Variants in PALS2 observed in about 807,000 individuals in gnomAD.
PALS2 encodes protein PALS2.
Under a neutral mutation model 61.6 loss-of-function variants are expected in PALS2, and 27 were observed. That is an observed-to-expected ratio of 0.44 (90% CI 0.32 to 0.60). PALS2 has a LOEUF of 0.60. Among genes scored for constraint, PALS2 ranks in the 20% least tolerant of loss-of-function variants. The probability of loss-of-function intolerance (pLI) is 0.05; values close to 1 mark genes in which losing one functional copy is unlikely to be tolerated. For missense variants in PALS2, 554 were observed against 639.4 expected (o/e 0.87, Z 1.44); for synonymous variants, 236 against 218.6 (o/e 1.08, Z -0.70).
At chr7:24,676,802 G>C (rs1787623974) in intron 9 of PALS2, among the ~76,000 whole-genome samples, 1 of 151,176 alleles carries the variant, frequency 6.6e-6, no homozygotes, top group Admixed American at 6.6e-5. Context: ...TTTGAAGTCA[G>C]GTAGTGTGAT....
chr7:24,641,615 C>G (rs1263369688), intron 2 of PALS2, 101 bp from the exon 3 acceptor site: 1 of 1,034,440 alleles, frequency 9.7e-7, no homozygotes, highest in East Asian at 2.7e-5. Context: ...AATTAAATCT[C>G]CAAGTAATAT....
intron 5 of PALS2, among the ~76,000 whole-genome samples, chr7:24,662,517 C>G (rs942542422): frequency 6.6e-6 from 1 of 151,872 alleles, no homozygotes; most frequent in Non-Finnish European, 1.5e-5. Flanking sequence ...GCCTGTAATC[C>G]CCATACCTTG....
At chr7:24,599,705 A>G (rs1263461398) in intron 1 of PALS2, among the ~76,000 whole-genome samples, 4 of 151,588 alleles carry the variant, frequency 2.6e-5, no homozygotes, top group East Asian at 1.9e-4. Flanking sequence ...AGGTTTCATC[A>G]TGTTGGCCAG....
At chr7:24,663,048 C>T (rs1786821789) in intron 5 of PALS2, among the ~76,000 whole-genome samples, 1 of 152,052 alleles carries the variant, frequency 6.6e-6, no homozygotes, top group African/African-American at 2.4e-5. Context: ...TAATGTTGAT[C>T]ATTTAAATTT....
intron 2 of PALS2, among the ~76,000 whole-genome samples, chr7:24,628,624 C>T (rs1378861075): frequency 6.6e-6 from 1 of 152,152 alleles, no homozygotes; most frequent in East Asian, 1.9e-4. Flanking sequence ...GCTCCTTAAG[C>T]TGATAAGCAA....
At chr7:24,635,279 A>T (rs1451532152) in intron 2 of PALS2, among the ~76,000 whole-genome samples, 1 of 152,116 alleles carries the variant, frequency 6.6e-6, no homozygotes, top group Non-Finnish European at 1.5e-5. Flanking sequence ...TTTGTTAGTT[A>T]TACTCCTAGG....
At chr7:24,668,456 A>T in intron 8 of PALS2, 43 bp from the exon 9 acceptor site, 1 of 1,540,246 alleles carries the variant, frequency 6.5e-7, no homozygotes, top group South Asian at 1.2e-5. Flanking sequence ...TCTTTCATGT[A>T]TATAAAAGTT....
chr7:24,599,531 G>A (rs1783642403), intron 1 of PALS2, among the ~76,000 whole-genome samples: 1 of 104,644 alleles, frequency 9.6e-6, no homozygotes, highest in Non-Finnish European at 1.8e-5. Context: ...TTTTTATGGA[G>A]TCTTGCCCTG....
At chr7:24,583,882 G>A (rs1176772297) in intron 1 of PALS2, among the ~76,000 whole-genome samples, 1 of 151,286 alleles carries the variant, frequency 6.6e-6, no homozygotes, top group Non-Finnish European at 1.5e-5. Context: ...TCATTGTTCA[G>A]TTCCCACCTA....
At chr7:24,642,249 T>C (rs547678553) in intron 3 of PALS2, among the ~76,000 whole-genome samples, 1 of 152,268 alleles carries the variant, frequency 6.6e-6, no homozygotes, top group Admixed American at 6.5e-5. Flanking sequence ...CTTCTCAAGA[T>C]TGTTGTGCAG....
intron 5 of PALS2, among the ~76,000 whole-genome samples, chr7:24,663,114 A>T (rs1455307560): frequency 3.3e-5 from 5 of 152,228 alleles, no homozygotes; most frequent in African/African-American, 1.2e-4. Flanking sequence ...AGGCTACCAA[A>T]TATATTTCAT....
At chr7:24,623,136 G>T (rs576699279) in intron 1 of PALS2, among the ~76,000 whole-genome samples, 2 of 149,510 alleles carry the variant, frequency 1.3e-5, no homozygotes, top group African/African-American at 4.9e-5. Flanking sequence ...GTGTGATGTT[G>T]TTGGGTTTAG....
chr7:24,654,568 A>T (rs549785143), intron 5 of PALS2, among the ~76,000 whole-genome samples: 1 of 152,202 alleles, frequency 6.6e-6, no homozygotes, highest in South Asian at 2.1e-4. Context: ...AACCAAAAAA[A>T]TTCAAGACCT....
rs1218537290 is a variant in PALS2 at position 24,692,353 on chromosome 7, C to T, written c.*4739C>T. 6.6e-6 allele frequency: 1 copy of T among 152,078 alleles called. No individual in the cohort carries two copies. Among genetic ancestry groups the T allele is most frequent in the Admixed American group, 6.5e-5 (1 of 15,268 alleles). 9.4% of individuals were successfully genotyped at this position (152,078 alleles called of 1,614,324 possible). ...TGATCTTCGATGAAATTTATATTTC[C>T]CTTTATCATTACTATTCTACTTGTT... On this transcript the variant is annotated 3_prime_UTR_variant, in exon 12 of 12. Coordinates refer to ENST00000222644, the MANE Select transcript of PALS2 (RefSeq NM_001303037.2).
chr7:24,602,661 G>A (rs773836029), intron 1 of PALS2, among the ~76,000 whole-genome samples: 3 of 152,078 alleles, frequency 2.0e-5, no homozygotes, highest in Non-Finnish European at 2.9e-5. Flanking sequence ...GTCTTTGGTC[G>A]AGAGGTACCT....
chr7:24,579,624 G>A (rs189376433), intron 1 of PALS2, among the ~76,000 whole-genome samples: 1 of 151,460 alleles, frequency 6.6e-6, no homozygotes, highest in African/African-American at 2.4e-5. Context: ...GAGATTTTCC[G>A]ATACTTTGTA....
intron 1 of PALS2, among the ~76,000 whole-genome samples, chr7:24,614,702 A>C (rs1395381049): frequency 6.6e-6 from 1 of 152,004 alleles, no homozygotes; most frequent in Non-Finnish European, 1.5e-5. Flanking sequence ...TCAACGAGAT[A>C]CCAGATTTAA....
intron 11 of PALS2, among the ~76,000 whole-genome samples, chr7:24,680,909 T>C (rs905421909): frequency 6.6e-6 from 1 of 152,204 alleles, no homozygotes; most frequent in Non-Finnish European, 1.5e-5. Context: ...TCTTAGCTAA[T>C]TATGCTTATG....
intron 5 of PALS2, among the ~76,000 whole-genome samples, chr7:24,652,109 T>G (rs1422042063): frequency 1.3e-5 from 2 of 152,202 alleles, no homozygotes; most frequent in African/African-American, 4.8e-5. Flanking sequence ...CAACTTTCAA[T>G]TTGTGACAGC....
Sources: gnomAD v4.1 joint callset for allele counts (sites outside exome capture counted in the v4.1 genomes callset) on GRCh38, gnomAD v4.1.1 for gene constraint, MANE v1.5 for transcripts, NCBI Gene and HGNC (gene_info 2026-07-23, HGNC 2026-07-21) for gene names.